Variants in LONRF2 observed in about 807,000 individuals in gnomAD.
LONRF2 encodes LON peptidase N-terminal domain and RING finger protein 2.
LONRF2 carries 35 observed loss-of-function variants against 66.6 expected under a neutral mutation model. The observed-to-expected ratio is 0.53, with a 90% CI of 0.40 to 0.70. The LOEUF is 0.70. Ranked by LOEUF, LONRF2 falls within the 30% of genes least tolerant of loss-of-function variation. The pLI, the probability that LONRF2 is intolerant of heterozygous loss-of-function variation, is 0.00. For synonymous variants in LONRF2, 417 were observed against 418.1 expected (o/e 1.00, Z 0.03); for missense variants, 902 against 1,002.1 (o/e 0.90, Z 1.35).
intron 1 of LONRF2, among the ~76,000 whole-genome samples, chr2:100,310,710 A>G (rs1315308589): frequency 6.6e-6 from 1 of 152,258 alleles, no homozygotes; most frequent in African/African-American, 2.4e-5. Flanking sequence ...ATAACTGGCT[A>G]GAGCAGGTGG....
intron 1 of LONRF2, 59 bp downstream of exon 1, chr2:100,321,356 A>G: frequency 7.5e-7 from 1 of 1,330,962 alleles, no homozygotes; most frequent in Non-Finnish European, 9.6e-7. Flanking sequence ...CCAGCTCCCC[A>G]CCCCGCTGCT....
At chr2:100,287,423 A>G (rs1470975166) in intron 10 of LONRF2, among the ~76,000 whole-genome samples, 1 of 152,232 alleles carries the variant, frequency 6.6e-6, no homozygotes, top group Non-Finnish European at 1.5e-5. Flanking sequence ...TAACACAATA[A>G]TATAAACATT....
At chr2:100,292,726 T>C (rs1420987864) in intron 9 of LONRF2, among the ~76,000 whole-genome samples, 1 of 152,208 alleles carries the variant, frequency 6.6e-6, no homozygotes, top group Non-Finnish European at 1.5e-5. Flanking sequence ...CTCAGCACCT[T>C]GTATAAAAAA....
At chr2:100,301,091 A>G (rs923972667) in intron 3 of LONRF2, among the ~76,000 whole-genome samples, 7 of 152,220 alleles carry the variant, frequency 4.6e-5, no homozygotes, top group African/African-American at 1.7e-4. Context: ...CCACACAGAT[A>G]AAAGAGAAAG....
intron 4 of LONRF2, 101 bp from the exon 5 acceptor site, chr2:100,300,019 A>AGC (rs1553540619): frequency 5.1e-6 from 2 of 394,614 alleles, no homozygotes; most frequent in Non-Finnish European, 9.0e-6. Context: ...GGAAAAAAAA[A>AGC]GGGGGGGGCA....
At chr2:100,300,026 G>GGA (rs1553540617) in intron 4 of LONRF2, 108 bp from the exon 5 acceptor site, 1 of 488,792 alleles carries the variant, frequency 2.0e-6, no homozygotes, top group South Asian at 2.2e-5. Flanking sequence ...AAAAGGGGGG[G>GGA]GCATACACTC....
Position 100,281,384 on chromosome 2 carries a change from AC to A in LONRF2, c.*2913del, listed in dbSNP as rs1190693516. On this transcript the variant is annotated 3_prime_UTR_variant, in exon 12 of 12. Coordinates refer to ENST00000393437, the MANE Select transcript of LONRF2 (RefSeq NM_198461.4). ...ATGAGATAATACTGTTGAATTTGGT[AC>A]ATGAATTGGTTAAGAATTATTGTGT... The A allele has an allele frequency of 6.6e-6, 1 of 152,240 alleles. No homozygotes were observed. The highest frequency in any genetic ancestry group is 1.5e-5 in the Non-Finnish European group (1 of 68,036). The allele number at this position is 152,240 out of a possible 1,614,324, so 9.4% of individuals were successfully genotyped here.
rs1158117726 is a variant in LONRF2 at position 100,277,946 on chromosome 2, G to T, written c.*6352C>A. ...GACACTCCTTCATCTCTTCAGAGTG[G>T]CAGGCATCACTGGAAGTCACTGAGA... On this transcript the variant is annotated 3_prime_UTR_variant, in exon 12 of 12. Transcript: ENST00000393437. The T allele has an allele frequency of 6.6e-6, 1 of 152,140 alleles. No homozygotes were observed. Among genetic ancestry groups the T allele is most frequent in the Non-Finnish European group, 1.5e-5 (1 of 68,034 alleles). 9.4% of individuals were successfully genotyped at this position (152,140 alleles called of 1,614,324 possible).
chr2:100,287,783 A>T (rs1674877443), intron 10 of LONRF2, among the ~76,000 whole-genome samples: 1 of 152,180 alleles, frequency 6.6e-6, no homozygotes, highest in Admixed American at 6.5e-5. Flanking sequence ...ACTGGGAATC[A>T]CGGGGCCAGG....
chr2:100,298,688 T>C, intron 7 of LONRF2, 148 bp downstream of exon 7: 1 of 596,850 alleles, frequency 1.7e-6, no homozygotes, highest in Non-Finnish European at 3.0e-6. Context: ...TCTTGATTCA[T>C]CAAAGAGATG....
rs1674516065 is a variant in LONRF2 at position 100,272,367 on chromosome 2, C to T, written c.*11931G>A. Reference sequence around the variant, plus strand: ...TAAAAAAATTAGCCGGGTATAGCGGCATGCACCTGTGGTCCCAGCTACTCA... The same window carrying T: ...TAAAAAAATTAGCCGGGTATAGCGGTATGCACCTGTGGTCCCAGCTACTCA... On this transcript the variant is annotated 3_prime_UTR_variant, in exon 12 of 12. Transcript: ENST00000393437. Among the ~76,000 whole-genome samples the T allele has an allele frequency of 6.6e-6, 1 of 152,100 alleles. No individual in the cohort carries two copies. Among genetic ancestry groups the T allele is most frequent in the Non-Finnish European group, 1.5e-5 (1 of 68,018 alleles).
intron 1 of LONRF2, among the ~76,000 whole-genome samples, chr2:100,319,114 C>T (rs1310140540): frequency 8.2e-6 from 1 of 121,900 alleles, no homozygotes; most frequent in African/African-American, 3.4e-5. Context: ...GAGCAAGACT[C>T]CGTCTTAAAA....
intron 3 of LONRF2, among the ~76,000 whole-genome samples, chr2:100,301,693 G>A (rs994700102): frequency 3.3e-5 from 5 of 152,198 alleles, no homozygotes; most frequent in African/African-American, 7.2e-5. Context: ...GTCTGAAAAC[G>A]CTCCAGGTAG....
rs1473542899 is a variant in LONRF2 at position 100,282,157 on chromosome 2, A to C, written c.*2141T>G. Reference sequence around the variant, plus strand: ...CGTCATCATTGTTGTTCAGACTTTTACATAACATGCCGAAGGAGAAGACTC... The same window carrying C: ...CGTCATCATTGTTGTTCAGACTTTTCCATAACATGCCGAAGGAGAAGACTC... On this transcript the variant is annotated 3_prime_UTR_variant, in exon 12 of 12. Transcript: ENST00000393437. 1 of 152,242 alleles carries C rather than the reference A, an allele frequency of 6.6e-6. No individual in the cohort carries two copies. Among genetic ancestry groups the C allele is most frequent in the African/African-American group, 2.4e-5 (1 of 41,460 alleles). 9.4% of individuals were successfully genotyped at this position (152,242 alleles called of 1,614,324 possible). A position where few individuals can be genotyped will look rare whatever the true frequency, so the allele number is the denominator to read the frequency against.
chr2:100,307,975 T>C (rs572521675), intron 2 of LONRF2, among the ~76,000 whole-genome samples: 58 of 152,174 alleles, frequency 3.8e-4, no homozygotes, highest in Non-Finnish European at 7.5e-4. Flanking sequence ...AGCAACAAAA[T>C]AGATTTCTGA....
intron 8 of LONRF2, 100 bp from the exon 9 acceptor site, chr2:100,294,487 C>A (rs940572523): frequency 8.9e-7 from 1 of 1,118,114 alleles, no homozygotes. Context: ...CCTCAGTTCT[C>A]CCCTCTACAA....
At position 100,318,636 on chromosome 2, in the gene LONRF2, G is replaced by A. The variant is rs111321899; in HGVS notation, c.679+2779C>T. Among the ~76,000 whole-genome samples the A allele has an allele frequency of 4.7e-5, 7 of 150,198 alleles. No homozygotes were observed. In the South Asian group the frequency reaches 6.4e-4, roughly 14 times the overall value. ...GACTACAGGAGTTGGAGATCAGCCC[G>A]GACAACATAGTGAAACACGTCTCTA... On this transcript the variant is annotated intron_variant, in intron 1 of 11. Transcript: ENST00000393437.
In LONRF2 at chr2:100,286,064, C is replaced by T. The variant is rs563175544; in HGVS notation, c.2070+850G>A. ...CAAAGGCTTATGCAAAAAGGGCAAG[C>T]CAGGAAGGACTTAATGGCAATTTCT... On this transcript the variant is annotated intron_variant, in intron 11 of 11. Coordinates refer to ENST00000393437, the MANE Select transcript of LONRF2 (RefSeq NM_198461.4). 1.5e-4 allele frequency among the ~76,000 whole-genome samples: 23 copies of T among 152,046 alleles called. 1 individual carries two copies. Among genetic ancestry groups the T allele is most frequent in the African/African-American group, 1.7e-4 (7 of 41,472 alleles).
intron 7 of LONRF2, among the ~76,000 whole-genome samples, chr2:100,296,748 T>G (rs1675076087): frequency 6.6e-6 from 1 of 152,152 alleles, no homozygotes; most frequent in Admixed American, 6.5e-5. Context: ...ATTAATGACA[T>G]AGGTATTTAA....
Sources: gnomAD v4.1 joint callset for allele counts (sites outside exome capture counted in the v4.1 genomes callset) on GRCh38, gnomAD v4.1.1 for gene constraint, MANE v1.5 for transcripts, NCBI Gene and HGNC (gene_info 2026-07-23, HGNC 2026-07-21) for gene names.